ZC2HC1B: variants seen among roughly 807,000 people sequenced by gnomAD.
The protein encoded by ZC2HC1B is zinc finger C2HC domain-containing protein 1B.
A neutral mutation model predicts 31.0 loss-of-function variants in ZC2HC1B; 36 were observed. The ratio of observed to expected loss-of-function variants is 1.16; its 90% confidence interval spans 0.89 to 1.54. ZC2HC1B has a LOEUF of 1.54. Ranked by LOEUF, ZC2HC1B falls within the 40% of genes most tolerant of loss-of-function variation. The pLI, the probability that ZC2HC1B is intolerant of heterozygous loss-of-function variation, is 0.00. For synonymous variants in ZC2HC1B, 73 were observed against 88.0 expected (o/e 0.83, Z 0.95); for missense variants, 260 against 268.6 (o/e 0.97, Z 0.22).
chr6:143,927,802 T>A (rs1271885069), intron 6 of ZC2HC1B, among the ~76,000 whole-genome samples: 2 of 152,222 alleles, frequency 1.3e-5, no homozygotes, highest in African/African-American at 2.4e-5. Context: ...CCAACATCTG[T>A]TATTTTTTGA....
At chr6:143,937,875 ACT>A (rs1778196788) in intron 7 of ZC2HC1B, 142 bp downstream of exon 7, 1 of 583,832 alleles carries the variant, frequency 1.7e-6, no homozygotes, top group Admixed American at 3.3e-5. Flanking sequence ...CTTGAAACTG[ACT>A]CTGCTGTTAA....
intron 6 of ZC2HC1B, among the ~76,000 whole-genome samples, chr6:143,916,996 A>G (rs1455953777): frequency 1.3e-5 from 2 of 152,224 alleles, no homozygotes; most frequent in Non-Finnish European, 2.9e-5. Flanking sequence ...GGGAGGGGCC[A>G]GGGACAAAAT....
intron 4 of ZC2HC1B, among the ~76,000 whole-genome samples, chr6:143,892,997 A>C (rs1374739568): frequency 2.0e-5 from 3 of 149,384 alleles, no homozygotes; most frequent in African/African-American, 7.7e-5. Flanking sequence ...GAAATGATGA[A>C]TAAAGAAAAA....
At chr6:143,925,536 C>CTTTTTTTTTTTTTTTTTTTTTT (rs36007959) in intron 6 of ZC2HC1B, among the ~76,000 whole-genome samples, 1 of 104,960 alleles carries the variant, frequency 9.5e-6, no homozygotes, top group African/African-American at 3.8e-5. Context: ...CTTTTCTTTT[C>CTTTTTTTTTTTTTTTTTTTTTT]TTTTTTTTTT....
intron 4 of ZC2HC1B, among the ~76,000 whole-genome samples, chr6:143,897,881 T>TA (rs1777686179): frequency 6.6e-6 from 1 of 152,234 alleles, no homozygotes; most frequent in Non-Finnish European, 1.5e-5. Context: ...TTCTGTGCCC[T>TA]ACTGTGCCAT....
chr6:143,886,819 C>T lies in ZC2HC1B; in HGVS notation c.347C>T (p.Pro116Leu), dbSNP rs1777535863. ...CCTCCACCCCCTCCATCCTTGAACC[C>T]AGGTGTGTAGACATTTTGGGTTGCT... is the stretch of plus-strand genomic sequence containing the variant. ...LPPPPPPSLN[P>L]DYIQRPYCMR... The change falls in exon 4 of 8, where the codon CCA becomes CTA. Residue 116 changes from proline to leucine, a missense_variant and splice_region_variant. By Grantham distance (98) the Pro-to-Leu change is moderately conservative. Transcript: ENST00000237275. The surrounding 1 kb of genome is among the most constrained non-coding windows in gnomAD (Gnocchi z 4.2). 1 of 1,526,534 alleles carries T rather than the reference C, an allele frequency of 6.6e-7. No individual in the cohort carries two copies. Among genetic ancestry groups the T allele is most frequent in the Non-Finnish European group, 8.8e-7 (1 of 1,136,188 alleles). 94.6% of individuals were successfully genotyped at this position (1,526,534 alleles called of 1,614,324 possible).
Position 143,911,778 on chromosome 6 carries a change from G to C in ZC2HC1B, c.598+8626G>C, listed in dbSNP as rs1025259761. Among the ~76,000 whole-genome samples, 24 of 152,028 alleles carry C rather than the reference G, an allele frequency of 1.6e-4. No homozygotes were observed. The highest frequency in any genetic ancestry group is 5.6e-4 in the African/African-American group (23 of 41,378). ...TGATCTTCTCAGGGAGTATTTTACT[G>C]GGGTTCTCCACATTTCCTGAATTTG... On this transcript the variant is annotated intron_variant, in intron 6 of 7. Coordinates refer to ENST00000237275, the MANE Select transcript of ZC2HC1B (RefSeq NM_001013623.3). The surrounding 1 kb of genome is among the most constrained non-coding windows in gnomAD (Gnocchi z 4.5).
intron 1 of ZC2HC1B, among the ~76,000 whole-genome samples, chr6:143,876,286 T>C (rs1751555460): frequency 6.6e-6 from 1 of 150,562 alleles, no homozygotes; most frequent in African/African-American, 2.5e-5. Context: ...ACCAACCAGC[T>C]TCATTATGTT....
chr6:143,937,031 G>A lies in ZC2HC1B; in HGVS notation c.599-618G>A, dbSNP rs376366516. Among the ~76,000 whole-genome samples the A allele has an allele frequency of 2.0e-5, 3 of 151,962 alleles. No individual in the cohort carries two copies. The East Asian group carries it at 5.8e-4, about 29-fold the overall frequency. ...AGGCTTCTTAGGACAGAGGGGACTTGTTCCTTTTTTATTTTTTAACAAAAA... is the reference window on the plus strand; with the variant it reads ...AGGCTTCTTAGGACAGAGGGGACTTATTCCTTTTTTATTTTTTAACAAAAA... On this transcript the variant is annotated intron_variant, in intron 6 of 7. Coordinates refer to ENST00000237275, the MANE Select transcript of ZC2HC1B (RefSeq NM_001013623.3).
At chr6:143,866,864 A>G (rs1777269932) in intron 1 of ZC2HC1B, among the ~76,000 whole-genome samples, 1 of 152,162 alleles carries the variant, frequency 6.6e-6, no homozygotes, top group Non-Finnish European at 1.5e-5. Flanking sequence ...AATAGAACAT[A>G]GAAGTCCCCT....
chr6:143,866,327 C>T (rs910054395), intron 1 of ZC2HC1B, among the ~76,000 whole-genome samples: 54 of 152,246 alleles, frequency 3.5e-4, no homozygotes, highest in African/African-American at 1.3e-3. Context: ...GAATACTTTC[C>T]ATTAGCCCAC....
chr6:143,915,868 G>T lies in ZC2HC1B; in HGVS notation c.598+12716G>T, dbSNP rs565615864. Among the ~76,000 whole-genome samples the T allele has an allele frequency of 6.6e-6, 1 of 152,160 alleles. No individual in the cohort carries two copies. The highest frequency in any genetic ancestry group is 1.5e-5 in the Non-Finnish European group (1 of 68,022). The stretch of plus-strand genomic sequence containing the variant: ...GGCATTCAGTTTTAAAAGGGAAACT[G>T]AGCATAAAAGTTTGGAAAAGTTGCA... On this transcript the variant is annotated intron_variant, in intron 6 of 7. Transcript: ENST00000237275. This position sits in a 1 kb window ranked among gnomAD's most constrained non-coding sequence, Gnocchi z 5.2.
chr6:143,903,291 G>A lies in ZC2HC1B; in HGVS notation c.598+139G>A. 1.4e-6 allele frequency: 1 copy of A among 719,888 alleles called. No individual in the cohort carries two copies. The highest frequency in any genetic ancestry group is 2.3e-6 in the Non-Finnish European group (1 of 432,124). The allele number at this position is 719,888 out of a possible 1,614,324, so 44.6% of individuals were successfully genotyped here. A position where few individuals can be genotyped will look rare whatever the true frequency, so the allele number is the denominator to read the frequency against. ...TGGATGCAAAGATATTTGGGTTAGA[G>A]GTTAAAGCTTATTTGCCAAAAGGGA... is the stretch of plus-strand genomic sequence containing the variant. On this transcript the variant is annotated intron_variant, in intron 6 of 7. Coordinates refer to ENST00000237275, the MANE Select transcript of ZC2HC1B (RefSeq NM_001013623.3). This position sits in a 1 kb window ranked among gnomAD's most constrained non-coding sequence, Gnocchi z 4.3.
At position 143,903,075 on chromosome 6, in the gene ZC2HC1B, C is replaced by T; in HGVS notation, c.521C>T (p.Pro174Leu). 6.4e-7 allele frequency: 1 copy of T among 1,551,798 alleles called. No homozygotes were observed. Residue 174 changes from proline to leucine, a missense_variant, in exon 6 of 8, where the codon CCA becomes CTA. Coordinates refer to ENST00000237275, the MANE Select transcript of ZC2HC1B (RefSeq NM_001013623.3). This position sits in a 1 kb window ranked among gnomAD's most constrained non-coding sequence, Gnocchi z 4.3. ...GCTCAGATGGGTCCAAAAAAAGAAC[C>T]AACTGTTACCAGTGCTGTGGGAGCT... The part of the protein sequence containing the change: ...GRAQMGPKKE[P>L]TVTSAVGALL...
At chr6:143,936,488 C>T (rs1274638209) in intron 6 of ZC2HC1B, among the ~76,000 whole-genome samples, 1 of 152,176 alleles carries the variant, frequency 6.6e-6, no homozygotes, top group Admixed American at 6.5e-5. Flanking sequence ...AGAAGTGGCT[C>T]TTCTCGCATT....
chr6:143,929,473 T>A (rs1237431848), intron 6 of ZC2HC1B, among the ~76,000 whole-genome samples: 1 of 152,228 alleles, frequency 6.6e-6, no homozygotes, highest in Non-Finnish European at 1.5e-5. Flanking sequence ...CTGTATGATT[T>A]TGTTTGCTTG....
At position 143,884,502 on chromosome 6, in the gene ZC2HC1B, G is replaced by A. The variant is rs545305050; in HGVS notation, c.90+137G>A. 2.8e-6 allele frequency: 2 copies of A among 723,114 alleles called. No individual in the cohort carries two copies. Among genetic ancestry groups the A allele is most frequent in the African/African-American group, 1.8e-5 (1 of 56,310 alleles). 44.8% of individuals were successfully genotyped at this position (723,114 alleles called of 1,614,324 possible). ...GAAGAGGAAAAGTACATAACCTATG[G>A]CTGGTGGGCCCAGAGAACACTGAGG... On this transcript the variant is annotated intron_variant, in intron 2 of 7. Transcript: ENST00000237275. This position sits in a 1 kb window ranked among gnomAD's most constrained non-coding sequence, Gnocchi z 5.1.
In ZC2HC1B at chr6:143,895,061, T is replaced by C. The variant is rs766281190; in HGVS notation, c.350-3491T>C. Among the ~76,000 whole-genome samples, 1 of 152,260 alleles carries C rather than the reference T, an allele frequency of 6.6e-6. No homozygotes were observed. Among genetic ancestry groups the C allele is most frequent in the Non-Finnish European group, 1.5e-5 (1 of 68,046 alleles). The stretch of plus-strand genomic sequence containing the variant: ...CAACAAACCAAATGATTATATGCAC[T>C]CCCAACATTTTCACCACGGTTTGAT... On this transcript the variant is annotated intron_variant, in intron 4 of 7. Transcript: ENST00000237275. The surrounding 1 kb of genome is among the most constrained non-coding windows in gnomAD (Gnocchi z 4.8).
At chr6:143,910,919 G>T (rs1777848160) in intron 6 of ZC2HC1B, among the ~76,000 whole-genome samples, 1 of 151,898 alleles carries the variant, frequency 6.6e-6, no homozygotes, top group South Asian at 2.1e-4. Flanking sequence ...TGCCCAGCTG[G>T]TTTTTGTACT....
Sources: allele counts gnomAD v4.1 joint callset (sites outside exome capture counted in the v4.1 genomes callset), GRCh38; gene constraint gnomAD v4.1.1; non-coding constraint Gnocchi (gnomAD v3.1); transcripts MANE v1.5; gene names NCBI Gene and HGNC (gene_info 2026-07-23, HGNC 2026-07-21).